CTBS: variants seen among roughly 807,000 people sequenced by gnomAD.
The protein encoded by CTBS is di-N-acetylchitobiase.
A neutral mutation model predicts 44.3 loss-of-function variants in CTBS; 35 were observed. The observed-to-expected ratio is 0.79, with a 90% CI of 0.60 to 1.05. The LOEUF is 1.05. Among genes scored for constraint, CTBS ranks in the 50% least tolerant of loss-of-function variants. The pLI is 0.00. For synonymous variants in CTBS, 143 were observed against 168.0 expected (o/e 0.85, Z 1.15); for missense variants, 458 against 475.3 (o/e 0.96, Z 0.34).
Position 84,569,965 on chromosome 1 carries a change from GT to G in CTBS, c.490del (p.Thr164GlnfsTer13). On this transcript the variant is annotated frameshift_variant, in exon 3 of 7. Transcript: ENST00000370630. LOFTEE classifies it high-confidence loss of function. The part of the protein sequence containing the change: ...DALTALVKET[T>X]DSFHREIEGS... Reference sequence around the variant, plus strand: ...CTCAATTTCACGATGGAAAGAGTCTGTAGTTTCTTTGACTAAAGCAGTTAAT... The same window carrying G: ...CTCAATTTCACGATGGAAAGAGTCTGAGTTTCTTTGACTAAAGCAGTTAAT... 2 of 1,611,842 alleles carry G rather than the reference GT, an allele frequency of 1.2e-6. No homozygotes were observed. The highest frequency in any genetic ancestry group is 1.7e-6 in the Non-Finnish European group (2 of 1,179,566).
chr1:84,574,251 A>C lies in CTBS; in HGVS notation c.165T>G (p.His55Gln). The C allele has an allele frequency of 1.2e-6, 2 of 1,604,652 alleles. No individual in the cohort carries two copies. Among genetic ancestry groups the C allele is most frequent in the Non-Finnish European group, 1.7e-6 (2 of 1,176,500 alleles). Residue 55 changes from histidine to glutamine, a missense_variant, in exon 1 of 7, where the codon CAT (histidine) becomes CAG (glutamine). Physicochemically the swap from His to Gln is conservative, Grantham distance 24. Coordinates refer to ENST00000370630, the MANE Select transcript of CTBS (RefSeq NM_004388.3). ...GGAAGGCGCTGACCTCGAAATCTGGATGGTGGCGAATCGGGCGGCAGAGCT... is the reference window on the plus strand; with the variant it reads ...GGAAGGCGCTGACCTCGAAATCTGGCTGGTGGCGAATCGGGCGGCAGAGCT... ...EPELCRPIRH[H>Q]PDFEVFVFDV...
intron 3 of CTBS, among the ~76,000 whole-genome samples, chr1:84,567,826 A>C (rs1020129079): frequency 6.6e-6 from 1 of 152,102 alleles, no homozygotes; most frequent in Non-Finnish European, 1.5e-5. Flanking sequence ...TCCATTAATT[A>C]ATTCATTTAA....
intron 6 of CTBS, among the ~76,000 whole-genome samples, chr1:84,558,237 T>C (rs1385753143): frequency 2.0e-5 from 3 of 152,134 alleles, no homozygotes; most frequent in Non-Finnish European, 4.4e-5. Flanking sequence ...TGTATAGATA[T>C]ATCAAAACAT....
chr1:84,572,489 A>G (rs1264400859), intron 1 of CTBS, among the ~76,000 whole-genome samples: 1 of 151,772 alleles, frequency 6.6e-6, no homozygotes, highest in Non-Finnish European at 1.5e-5. Flanking sequence ...GGAAAATGCC[A>G]TGTAGTCTAG....
chr1:84,571,952 GA>G (rs1378068340), intron 1 of CTBS, among the ~76,000 whole-genome samples: 2 of 152,174 alleles, frequency 1.3e-5, no homozygotes, highest in African/African-American at 4.8e-5. Flanking sequence ...TTCTGGAACT[GA>G]AAAAGGTCAA....
chr1:84,564,152 T>C (rs1411055509), intron 4 of CTBS, among the ~76,000 whole-genome samples: 2 of 152,220 alleles, frequency 1.3e-5, no homozygotes, highest in Non-Finnish European at 1.5e-5. Flanking sequence ...TTCTAAGATA[T>C]GATATACTTG....
At position 84,549,611 on chromosome 1, in the gene CTBS, T is replaced by G. The variant is rs1684210650; in HGVS notation, c.*5388A>C. On this transcript the variant is annotated 3_prime_UTR_variant, in exon 7 of 7. Transcript: ENST00000370630. ...TTCTTTTTTTTGAGACAGCCTTGAATCAGAGACATGAAGTTTATTTTATTA... is the reference window on the plus strand; with the variant it reads ...TTCTTTTTTTTGAGACAGCCTTGAAGCAGAGACATGAAGTTTATTTTATTA... 6.6e-6 allele frequency: 1 copy of G among 152,058 alleles called. No individual in the cohort carries two copies. Among genetic ancestry groups the G allele is most frequent in the African/African-American group, 2.4e-5 (1 of 41,406 alleles). 9.4% of individuals were successfully genotyped at this position (152,058 alleles called of 1,614,324 possible).
chr1:84,562,634 A>G (rs990472692), intron 6 of CTBS, among the ~76,000 whole-genome samples: 2 of 152,018 alleles, frequency 1.3e-5, no homozygotes, highest in South Asian at 4.1e-4. Flanking sequence ...GTAAATTATG[A>G]AAACTGTAAC....
chr1:84,563,152 G>T, intron 6 of CTBS, 105 bp downstream of exon 6: 1 of 721,412 alleles, frequency 1.4e-6, no homozygotes, highest in Non-Finnish European at 2.1e-6. Flanking sequence ...TGCATGTTAT[G>T]CCCTAAAAGA....
In CTBS at chr1:84,550,371, G is replaced by A. The variant is rs1388254472; in HGVS notation, c.*4628C>T. The A allele has an allele frequency of 1.9e-5, 14 of 749,604 alleles. No individual in the cohort carries two copies. The South Asian group carries it at 4.0e-4, about 21-fold the overall frequency. The allele number at this position is 749,604 out of a possible 1,614,324, so 46.4% of individuals were successfully genotyped here. On this transcript the variant is annotated 3_prime_UTR_variant, in exon 7 of 7. Transcript: ENST00000370630. ...ATCATTTCATAGTTTATGTTCACAA[G>A]GCAGTTAAAAATAAAAATGTTTATA...
chr1:84,563,166 C>CTGAT, intron 6 of CTBS, 91 bp downstream of exon 6: 1 of 910,274 alleles, frequency 1.1e-6, no homozygotes, highest in Non-Finnish European at 1.5e-6. Context: ...TAAAAGAAAA[C>CTGAT]TGATAGAAAT....
intron 2 of CTBS, 26 bp downstream of exon 2, chr1:84,570,556 C>G (rs2303306): frequency 0.31 from 485,813 of 1,571,004 alleles, 83,257 homozygotes; most frequent in African/African-American, 0.7. Flanking sequence ...CCAATTGCTG[C>G]ACACATAGAT....
rs191115820 is a variant in CTBS at position 84,558,928 on chromosome 1, T to C, written c.958-3729A>G. Among the ~76,000 whole-genome samples the C allele has an allele frequency of 2.6e-5, 4 of 152,106 alleles. No homozygotes were observed. In the East Asian group the frequency reaches 7.8e-4, roughly 30 times the overall value. ...AAAAAAGAAGAATGTGTTCCTGCAT[T>C]TTCACATTCATTAAGGAAAAAACAA... On this transcript the variant is annotated intron_variant, in intron 6 of 6. Coordinates refer to ENST00000370630, the MANE Select transcript of CTBS (RefSeq NM_004388.3).
intron 6 of CTBS, among the ~76,000 whole-genome samples, chr1:84,561,674 C>T (rs1374820498): frequency 6.6e-6 from 1 of 152,144 alleles, no homozygotes; most frequent in East Asian, 1.9e-4. Flanking sequence ...TAAGAAATTG[C>T]CATAGCCACC....
chr1:84,567,506 G>A (rs138475521), intron 3 of CTBS, among the ~76,000 whole-genome samples: 2 of 152,248 alleles, frequency 1.3e-5, no homozygotes, highest in East Asian at 3.9e-4. Context: ...CTATCTTATA[G>A]TTAGGTCTGT....
chr1:84,573,144 A>G (rs1045054680), intron 1 of CTBS, among the ~76,000 whole-genome samples: 13 of 152,204 alleles, frequency 8.5e-5, no homozygotes, highest in Non-Finnish European at 1.2e-4. Context: ...TCAACAGTGA[A>G]AGGAAACTTA....
At position 84,549,886 on chromosome 1, in the gene CTBS, A is replaced by G. The variant is rs1684218834; in HGVS notation, c.*5113T>C. The G allele has an allele frequency of 6.6e-6, 1 of 151,042 alleles. No homozygotes were observed. The highest frequency in any genetic ancestry group is 2.4e-5 in the African/African-American group (1 of 41,082). The allele number at this position is 151,042 out of a possible 1,614,324, so 9.4% of individuals were successfully genotyped here. A position where few individuals can be genotyped will look rare whatever the true frequency, so the allele number is the denominator to read the frequency against. ...AGTAGTTGGTACTTTTTTTTTTAGC[A>G]TAGCTTATACTTTATCTTACTGTTT... On this transcript the variant is annotated 3_prime_UTR_variant, in exon 7 of 7. Coordinates refer to ENST00000370630, the MANE Select transcript of CTBS (RefSeq NM_004388.3).
chr1:84,574,337 GC>G lies in CTBS; in HGVS notation c.78del (p.Leu27CysfsTer76), dbSNP rs1647405760. The G allele has an allele frequency of 6.4e-7, 1 of 1,572,708 alleles. No homozygotes were observed. The highest frequency in any genetic ancestry group is 1.2e-5 in the South Asian group (1 of 86,438). Reference sequence around the variant, plus strand: ...AGCCGCAGCGCCAGCAGCGCCAGCAGCGCCAGCAGCGCTAGACCCGGGACGC... The same window carrying G: ...AGCCGCAGCGCCAGCAGCGCCAGCAGGCCAGCAGCGCTAGACCCGGGACGC... ...PSGVPGLALL[A>X]LLALLALRLA... On this transcript the variant is annotated frameshift_variant, in exon 1 of 7. Coordinates refer to ENST00000370630, the MANE Select transcript of CTBS (RefSeq NM_004388.3). LOFTEE classifies it high-confidence loss of function.
intron 6 of CTBS, among the ~76,000 whole-genome samples, chr1:84,560,869 T>C (rs1684583311): frequency 6.6e-6 from 1 of 152,162 alleles, no homozygotes; most frequent in Non-Finnish European, 1.5e-5. Flanking sequence ...ACTGCTGAGA[T>C]GTACTAAGAA....
Sources: gnomAD v4.1 joint callset for allele counts (sites outside exome capture counted in the v4.1 genomes callset) on GRCh38, gnomAD v4.1.1 for gene constraint, MANE v1.5 for transcripts, NCBI Gene and HGNC (gene_info 2026-07-23, HGNC 2026-07-21) for gene names.